The following AOAH variants were observed in gnomAD, a reference collection of about 807,000 sequenced individuals.
AOAH encodes the protein acyloxyacyl hydrolase.
Under a neutral mutation model 92.2 loss-of-function variants are expected in AOAH, and 64 were observed. The observed-to-expected ratio is 0.69, with a 90% confidence interval of 0.57 to 0.86. The LOEUF (loss-of-function observed/expected upper bound fraction) is 0.86, where lower values mean the gene tolerates loss of function less well. Ranked by LOEUF, AOAH falls within the 40% of genes least tolerant of loss-of-function variation. AOAH has a pLI of 0.00. For missense variants in AOAH, 656 were observed against 694.6 expected, an observed-to-expected ratio of 0.94 and a Z score of 0.62; for synonymous variants, 263 against 254.5, an observed-to-expected ratio of 1.03 and a Z score of -0.32.
chr7:36,596,236 T>C (rs1790115115), intron 11 of AOAH, among the ~76,000 whole-genome samples: 2 of 149,142 alleles, frequency 1.3e-5, no homozygotes, highest in South Asian at 4.2e-4. Context: ...GTTTGTGTCA[T>C]ATATAAAACA....
chr7:36,624,513 G>C (rs1454724453), intron 6 of AOAH, among the ~76,000 whole-genome samples: 1 of 152,194 alleles, frequency 6.6e-6, no homozygotes, highest in Non-Finnish European at 1.5e-5. Context: ...GGTTATATTA[G>C]CTTCTATGGC....
chr7:36,531,308 C>T (rs1784676868), intron 18 of AOAH, among the ~76,000 whole-genome samples: 1 of 152,060 alleles, frequency 6.6e-6, no homozygotes, highest in South Asian at 2.1e-4. Context: ...TTGAAATATG[C>T]TTTTTATGTA....
At chr7:36,615,713 G>T (rs2115958971) in intron 11 of AOAH, among the ~76,000 whole-genome samples, 1 of 152,190 alleles carries the variant, frequency 6.6e-6, no homozygotes, top group African/African-American at 2.4e-5. Flanking sequence ...TAATATACAG[G>T]GTTGCCATTA....
intron 1 of AOAH, among the ~76,000 whole-genome samples, chr7:36,716,290 T>G (rs993762045): frequency 7.9e-5 from 12 of 151,434 alleles, no homozygotes; most frequent in Non-Finnish European, 1.8e-4. Context: ...CTCACACCAG[T>G]TAGAATGGCG....
At chr7:36,660,337 G>A (rs1320936639) in intron 3 of AOAH, among the ~76,000 whole-genome samples, 3 of 151,922 alleles carry the variant, frequency 2.0e-5, no homozygotes, top group Admixed American at 6.6e-5. Flanking sequence ...TTTTTTTGAC[G>A]CAGAGTCTTG....
chr7:36,615,247 C>T (rs1035708346), intron 11 of AOAH, among the ~76,000 whole-genome samples: 11 of 151,876 alleles, frequency 7.2e-5, no homozygotes, highest in African/African-American at 2.4e-4. Context: ...CATAATGTGA[C>T]GATGAACATA....
At chr7:36,561,255 T>G (rs1787242167) in intron 13 of AOAH, among the ~76,000 whole-genome samples, 1 of 152,136 alleles carries the variant, frequency 6.6e-6, no homozygotes, top group Non-Finnish European at 1.5e-5. Context: ...TTTCCCAGGC[T>G]GGTCTTGAGC....
chr7:36,544,054 C>T (rs1244624496), intron 15 of AOAH, among the ~76,000 whole-genome samples: 1 of 141,040 alleles, frequency 7.1e-6, no homozygotes, highest in Non-Finnish European at 1.5e-5. Flanking sequence ...TCAAGTGATT[C>T]TCCTGCCCCA....
At chr7:36,711,769 G>A (rs1175195919) in intron 1 of AOAH, among the ~76,000 whole-genome samples, 1 of 152,142 alleles carries the variant, frequency 6.6e-6, no homozygotes, top group African/African-American at 2.4e-5. Flanking sequence ...TGTGTGGTGG[G>A]TCAGATGCAG....
At chr7:36,570,237 T>A (rs375169690) in intron 13 of AOAH, among the ~76,000 whole-genome samples, 10 of 151,920 alleles carry the variant, frequency 6.6e-5, no homozygotes, top group African/African-American at 2.4e-4. Context: ...ACTACTTAGA[T>A]GGCTCATGTA....
chr7:36,616,449 C>A lies in AOAH; in HGVS notation c.777G>T (p.Leu259Phe), dbSNP rs1162093209. 7 of 1,613,992 alleles carry A rather than the reference C, an allele frequency of 4.3e-6. No individual in the cohort carries two copies. The highest frequency in any genetic ancestry group is 2.2e-5 in the East Asian group (1 of 44,896). Residue 259 changes from leucine to phenylalanine, a missense_variant, in exon 11 of 21, where the codon TTG becomes TTT. Transcript: ENST00000617537. The part of the protein sequence containing the change: ...CEGSQPRGII[L>F]LGDSAGAHFH... ...AATGAGCCCCAGCTGAGTCTCCCAG[C>A]AAAATGATTCCCCTGGGCTGTGAAC...
intron 12 of AOAH, among the ~76,000 whole-genome samples, chr7:36,579,999 C>T (rs574960059): frequency 6.6e-6 from 1 of 152,300 alleles, no homozygotes; most frequent in South Asian, 2.1e-4. Flanking sequence ...TATGAAGCAA[C>T]TCTGTGTCTT....
rs1459305395 is a variant in AOAH at position 36,522,110 on chromosome 7, G to A, written c.1528C>T (p.Gln510Ter). The A allele has an allele frequency of 6.2e-7, 1 of 1,614,126 alleles. No homozygotes were observed. Among genetic ancestry groups the A allele is most frequent in the Non-Finnish European group, 8.5e-7 (1 of 1,179,980 alleles). The change falls in exon 20 of 21, where the codon CAG becomes TAG. Residue 510 changes from glutamine to a stop codon, truncating the protein, a stop_gained. Transcript: ENST00000617537. LOFTEE classifies it high-confidence loss of function. ...YMDFAFHEII[Q>*]EWQKRGGQPW... ...TGTCCGCCTCTCTTCTGCCACTCCT[G>A]TATGACTGCAGGGCACATAACGAGA... is the stretch of plus-strand genomic sequence containing the variant.
chr7:36,569,448 C>T (rs1411996616), intron 13 of AOAH, among the ~76,000 whole-genome samples: 1 of 151,158 alleles, frequency 6.6e-6, no homozygotes, highest in African/African-American at 2.4e-5. Flanking sequence ...ATGTGCCTTA[C>T]AGATTTTTAT....
intron 1 of AOAH, among the ~76,000 whole-genome samples, chr7:36,716,415 C>T (rs1261031786): frequency 2.0e-5 from 3 of 149,774 alleles, no homozygotes; most frequent in Admixed American, 1.3e-4. Flanking sequence ...ATCAGCGTGG[C>T]GATTCCTCAG....
intron 11 of AOAH, among the ~76,000 whole-genome samples, chr7:36,610,887 C>A (rs557475103): frequency 1.3e-5 from 2 of 152,264 alleles, no homozygotes; most frequent in African/African-American, 4.8e-5. Flanking sequence ...AGACACATGG[C>A]ACACACCTGG....
At chr7:36,647,804 C>T (rs1236946652) in intron 4 of AOAH, among the ~76,000 whole-genome samples, 1 of 151,388 alleles carries the variant, frequency 6.6e-6, no homozygotes, top group Non-Finnish European at 1.5e-5. Flanking sequence ...CCAGACATAG[C>T]ATTCCAATGC....
intron 8 of AOAH, among the ~76,000 whole-genome samples, chr7:36,621,049 C>T (rs776546036): frequency 2.5e-4 from 38 of 152,144 alleles, no homozygotes; most frequent in Admixed American, 1.1e-3. Flanking sequence ...GGATATTTGC[C>T]GGAAGCTCCG....
intron 20 of AOAH, among the ~76,000 whole-genome samples, chr7:36,517,221 T>TTTCTTTCTTTCTCTCTTTCC (rs1252898660): frequency 3.5e-5 from 3 of 86,900 alleles, no homozygotes; most frequent in African/African-American, 9.5e-5. Flanking sequence ...TTTCTCTTTC[T>TTTCTTTCTTTCTCTCTTTCC]TTCTGTCTCT....
Sources: allele counts gnomAD v4.1 joint callset (sites outside exome capture counted in the v4.1 genomes callset), GRCh38; gene constraint gnomAD v4.1.1; transcripts MANE v1.5; gene names NCBI Gene and HGNC (gene_info 2026-07-23, HGNC 2026-07-21).